PYROXD2: variants seen among roughly 807,000 people sequenced by gnomAD.
PYROXD2 encodes pyridine nucleotide-disulfide oxidoreductase domain-containing protein 2.
PYROXD2 carries 69 observed loss-of-function variants against 71.1 expected under a neutral mutation model. The ratio of observed to expected loss-of-function variants is 0.97; its 90% CI spans 0.80 to 1.19. The LOEUF (loss-of-function observed/expected upper bound fraction) is 1.19. Ranked by LOEUF, PYROXD2 falls within the 50% of genes most tolerant of loss-of-function variation. The pLI is 0.00. For synonymous variants in PYROXD2, 287 were observed against 302.7 expected (o/e 0.95, Z 0.54); for missense variants, 745 against 748.9 (o/e 0.99, Z 0.06).
In PYROXD2 at chr10:98,388,338, G is replaced by C; in HGVS notation, c.1447+16C>G. ...CCGGCTGTGGCTCTGGAGGCAGAAC[G>C]TGCAGCTGTCTTTACCTCTGTCTGC... On this transcript the variant is annotated intron_variant, in intron 13 of 15. Coordinates refer to ENST00000370575, the MANE Select transcript of PYROXD2 (RefSeq NM_032709.3). The C allele has an allele frequency of 6.2e-7, 1 of 1,613,470 alleles. No homozygotes were observed. Among genetic ancestry groups the C allele is most frequent in the Non-Finnish European group, 8.5e-7 (1 of 1,179,784 alleles).
intron 8 of PYROXD2, among the ~76,000 whole-genome samples, chr10:98,393,479 G>A (rs906683379): frequency 1.3e-5 from 2 of 151,966 alleles, no homozygotes; most frequent in African/African-American, 4.8e-5. Context: ...CCAGTGAACG[G>A]CACCTTTCAA....
intron 2 of PYROXD2, 128 bp from the exon 3 acceptor site, chr10:98,408,125 C>T: frequency 2.6e-6 from 2 of 765,298 alleles, no homozygotes; most frequent in East Asian, 2.8e-5. Flanking sequence ...GGCCTCCCTG[C>T]CCCGCTCATG....
intron 4 of PYROXD2, among the ~76,000 whole-genome samples, chr10:98,406,522 C>T (rs977780948): frequency 2.6e-5 from 4 of 152,196 alleles, no homozygotes; most frequent in Admixed American, 2.0e-4. Context: ...TCTACATGAA[C>T]CAGTTAGAGC....
At chr10:98,386,989 T>C (rs1366821351) in intron 14 of PYROXD2, among the ~76,000 whole-genome samples, 1 of 152,178 alleles carries the variant, frequency 6.6e-6, no homozygotes, top group East Asian at 1.9e-4. Flanking sequence ...GTGGGGGCTG[T>C]CCTGCCTGTG....
At chr10:98,387,373 A>G (rs970855850) in intron 13 of PYROXD2, 66 bp from the exon 14 acceptor site, 4 of 1,151,142 alleles carry the variant, frequency 3.5e-6, no homozygotes, top group African/African-American at 1.6e-5. Flanking sequence ...TGGGTGTACA[A>G]CTTGGCAAAT....
intron 5 of PYROXD2, among the ~76,000 whole-genome samples, chr10:98,398,939 C>G (rs1843292710): frequency 6.6e-6 from 1 of 152,060 alleles, no homozygotes; most frequent in Admixed American, 6.5e-5. Context: ...AGTTCCAGAC[C>G]AGCCTGGGCA....
chr10:98,406,657 G>C (rs767056875), intron 4 of PYROXD2, among the ~76,000 whole-genome samples: 1 of 152,108 alleles, frequency 6.6e-6, no homozygotes, highest in Non-Finnish European at 1.5e-5. Context: ...ACTTTGAGAG[G>C]CTGAGGCAGG....
chr10:98,397,267 T>G, intron 6 of PYROXD2, 78 bp downstream of exon 6: 1 of 1,476,952 alleles, frequency 6.8e-7, no homozygotes, highest in Non-Finnish European at 9.0e-7. Context: ...GGTTCAGGCT[T>G]GTGTCTAGGC....
chr10:98,403,488 C>A (rs1378805981), intron 4 of PYROXD2, among the ~76,000 whole-genome samples: 1 of 152,230 alleles, frequency 6.6e-6, no homozygotes, highest in Non-Finnish European at 1.5e-5. Context: ...TGGCTTCTCG[C>A]TGCACTTGGA....
At chr10:98,408,815 G>A (rs963153899) in intron 2 of PYROXD2, among the ~76,000 whole-genome samples, 6 of 152,208 alleles carry the variant, frequency 3.9e-5, no homozygotes, top group African/African-American at 9.7e-5. Flanking sequence ...TCACTTGGCA[G>A]CTATTATGTG....
intron 14 of PYROXD2, 122 bp downstream of exon 14, chr10:98,387,079 C>T: frequency 1.4e-6 from 1 of 699,980 alleles, no homozygotes; most frequent in South Asian, 2.1e-5. Flanking sequence ...GTCCCTGCCA[C>T]TGTCCTCCCT....
In PYROXD2 at chr10:98,415,119, C is replaced by T. The variant is rs201539957; in HGVS notation, c.17G>A (p.Arg6Gln). MAASG[R>Q]GLCKAVAASP... is the part of the protein sequence containing the mutation. Reference sequence around the variant, plus strand: ...GGCGGCCACAGCCTTGCAGAGACCTCGGCCACTTGCAGCCATTTCTGCCCC... The same window carrying T: ...GGCGGCCACAGCCTTGCAGAGACCTTGGCCACTTGCAGCCATTTCTGCCCC... The change falls in exon 1 of 16, where the codon CGA becomes CAA. Residue 6 changes from arginine to glutamine, a missense_variant. By Grantham distance (43) the Arg-to-Gln change is conservative. Transcript: ENST00000370575. The T allele has an allele frequency of 4.0e-5, 64 of 1,613,288 alleles. No homozygotes were observed. The East Asian group carries it at 5.8e-4, about 15-fold the overall frequency.
chr10:98,413,063 T>G (rs962311044), intron 1 of PYROXD2, among the ~76,000 whole-genome samples: 3 of 152,262 alleles, frequency 2.0e-5, no homozygotes, highest in Non-Finnish European at 4.4e-5. Flanking sequence ...TTTTACTACA[T>G]TTGACTGTTG....
intron 8 of PYROXD2, 32 bp downstream of exon 8, chr10:98,395,164 C>G: frequency 1.3e-6 from 2 of 1,579,822 alleles, no homozygotes; most frequent in East Asian, 4.5e-5. Context: ...ACATGCCCCA[C>G]TCCTGTGTCC....
At position 98,383,973 on chromosome 10, in the gene PYROXD2, G is replaced by T. The variant is rs1234331468; in HGVS notation, c.1676-105C>A. ...CCAGCAACAAAGCAGAGTGGGGCTGGTTAGAGGGGTCCGGGGGCATGGGCA... is the reference window on the plus strand; with the variant it reads ...CCAGCAACAAAGCAGAGTGGGGCTGTTTAGAGGGGTCCGGGGGCATGGGCA... On this transcript the variant is annotated intron_variant, in intron 15 of 15. Transcript: ENST00000370575. 2.1e-5 allele frequency: 21 copies of T among 986,154 alleles called. No homozygotes were observed. The Middle Eastern group carries it at 1.3e-3, about 60-fold the overall frequency. The allele number at this position is 986,154 out of a possible 1,614,324, so 61.1% of individuals were successfully genotyped here.
intron 4 of PYROXD2, among the ~76,000 whole-genome samples, chr10:98,403,363 A>C (rs10883089): frequency 0.39 from 59,009 of 152,094 alleles, 12,664 homozygotes; most frequent in African/African-American, 0.57. Context: ...GCGGCGGCCT[A>C]GTGCTCCACA....
At position 98,388,445 on chromosome 10, in the gene PYROXD2, A is replaced by C. The variant is rs774300071; in HGVS notation, c.1356T>G (p.His452Gln). The C allele has an allele frequency of 5.0e-6, 8 of 1,613,022 alleles. No individual in the cohort carries two copies. Among genetic ancestry groups the C allele is most frequent in the Non-Finnish European group, 5.9e-6 (7 of 1,179,810 alleles). ...LDPTLAPPGCHVVSLFTQYMP... is the reference protein window; with the variant it reads ...LDPTLAPPGCQVVSLFTQYMP... ...TGTACTGAGTGAAGAGGGAGACTAC[A>C]TGGCAGCCAGGGGGAGCCAGGGTGG... Residue 452 changes from histidine to glutamine, a missense_variant, in exon 13 of 16, where the codon CAT becomes CAG. By Grantham distance (24) the His-to-Gln change is conservative (BLOSUM62 0). Transcript: ENST00000370575.
At chr10:98,394,361 G>A (rs908036278) in intron 8 of PYROXD2, among the ~76,000 whole-genome samples, 1 of 152,190 alleles carries the variant, frequency 6.6e-6, no homozygotes, top group Non-Finnish European at 1.5e-5. Context: ...CTGCTGCCAA[G>A]CCCCCATCTC....
chr10:98,413,683 C>G (rs1843866656), intron 1 of PYROXD2, among the ~76,000 whole-genome samples: 1 of 152,078 alleles, frequency 6.6e-6, no homozygotes. Flanking sequence ...CGCTGCACTC[C>G]AGCCTGGGCA....
Sources: gnomAD v4.1 joint callset for allele counts (sites outside exome capture counted in the v4.1 genomes callset) on GRCh38, gnomAD v4.1.1 for gene constraint, MANE v1.5 for transcripts, NCBI Gene and HGNC (gene_info 2026-07-23, HGNC 2026-07-21) for gene names.